Variants in GSK3B observed in about 807,000 individuals in gnomAD.
The protein encoded by GSK3B is glycogen synthase kinase-3 beta.
Under a neutral mutation model 56.4 loss-of-function variants are expected in GSK3B, and 15 were observed. That is an observed-to-expected ratio of 0.27 (90% CI 0.18 to 0.41). GSK3B has a LOEUF of 0.41. GSK3B is among the 10% of genes least tolerant of loss of function. The pLI is 1.00. For synonymous variants in GSK3B, 181 were observed against 188.9 expected, an observed-to-expected ratio of 0.96 and a Z score of 0.34; for missense variants, 300 against 513.4, an observed-to-expected ratio of 0.58 and a Z score of 4.02.
At chr3:119,942,845 C>A (rs1297119726) in intron 3 of GSK3B, among the ~76,000 whole-genome samples, 1 of 152,018 alleles carries the variant, frequency 6.6e-6, no homozygotes, top group African/African-American at 2.4e-5. Context: ...TCAAAACACT[C>A]AAATATCTCA....
intron 2 of GSK3B, among the ~76,000 whole-genome samples, chr3:119,995,162 CAAAAAAA>C (rs1365906440): frequency 1.5e-5 from 1 of 67,778 alleles, no homozygotes; most frequent in Non-Finnish European, 3.2e-5. Flanking sequence ...ACTGTCTCTA[CAAAAAAA>C]AAAAAAAAAA....
chr3:119,900,449 A>G (rs1358781885), intron 7 of GSK3B, among the ~76,000 whole-genome samples: 1 of 152,138 alleles, frequency 6.6e-6, no homozygotes, highest in Non-Finnish European at 1.5e-5. Flanking sequence ...TAGTTTTGTG[A>G]TAGTTTAATC....
intron 2 of GSK3B, among the ~76,000 whole-genome samples, chr3:119,965,516 C>T (rs1346301210): frequency 1.3e-5 from 2 of 151,848 alleles, no homozygotes; most frequent in East Asian, 3.9e-4. Context: ...CCAGCCTATG[C>T]TTTATTTTTC....
chr3:119,912,438 T>A (rs1410474840), intron 6 of GSK3B, among the ~76,000 whole-genome samples: 1 of 151,800 alleles, frequency 6.6e-6, no homozygotes, highest in Non-Finnish European at 1.5e-5. Context: ...AGTGAGCACA[T>A]GCTCTTATAA....
intron 3 of GSK3B, among the ~76,000 whole-genome samples, chr3:119,945,957 G>T (rs749023024): frequency 2.0e-5 from 3 of 151,782 alleles, no homozygotes; most frequent in Non-Finnish European, 4.4e-5. Context: ...GGAAGAGACA[G>T]GAAAAAGCAA....
At chr3:119,962,773 T>C (rs1416958888) in intron 2 of GSK3B, among the ~76,000 whole-genome samples, 1 of 152,196 alleles carries the variant, frequency 6.6e-6, no homozygotes, top group Non-Finnish European at 1.5e-5. Context: ...CATAGAAGAC[T>C]ATTTTTCCAC....
intron 2 of GSK3B, among the ~76,000 whole-genome samples, chr3:119,997,462 C>T (rs1050695987): frequency 7.2e-5 from 11 of 152,150 alleles, no homozygotes; most frequent in African/African-American, 2.7e-4. Flanking sequence ...ACGTACATAA[C>T]TATAAAGTTT....
chr3:120,004,977 C>G (rs1033775533), intron 1 of GSK3B, among the ~76,000 whole-genome samples: 4 of 152,020 alleles, frequency 2.6e-5, no homozygotes, highest in Admixed American at 6.6e-5. Flanking sequence ...ACAAACTTCT[C>G]CAAGTTAAAG....
chr3:120,012,120 C>T (rs912411863), intron 1 of GSK3B, among the ~76,000 whole-genome samples: 1 of 152,192 alleles, frequency 6.6e-6, no homozygotes, highest in Non-Finnish European at 1.5e-5. Flanking sequence ...AACATCTATT[C>T]CCAGAGACAC....
At chr3:119,948,233 T>C (rs773231221) in intron 2 of GSK3B, among the ~76,000 whole-genome samples, 4 of 152,138 alleles carry the variant, frequency 2.6e-5, no homozygotes, top group Non-Finnish European at 4.4e-5. Flanking sequence ...ACATAAAGTA[T>C]ACACCTGAGA....
chr3:120,027,830 CTCTG>C (rs2107517662), intron 1 of GSK3B, among the ~76,000 whole-genome samples: 1 of 152,040 alleles, frequency 6.6e-6, no homozygotes, highest in African/African-American at 2.4e-5. Context: ...TTTTGTATCT[CTCTG>C]TAATTTCCAA....
At chr3:119,962,269 G>A (rs1393754969) in intron 2 of GSK3B, among the ~76,000 whole-genome samples, 1 of 151,960 alleles carries the variant, frequency 6.6e-6, no homozygotes, top group South Asian at 2.1e-4. Context: ...CAGCTACTCA[G>A]GAGGCTGAGG....
intron 9 of GSK3B, among the ~76,000 whole-genome samples, chr3:119,855,598 G>C (rs1437068026): frequency 6.6e-6 from 1 of 152,178 alleles, no homozygotes; most frequent in East Asian, 1.9e-4. Flanking sequence ...ATCAATGATA[G>C]ACTGGATTAA....
In GSK3B at chr3:120,093,967, G is replaced by A; in HGVS notation, c.-533C>T. ...GGAAACGCTGCAGCTCCGGCAAGCC[G>A]CGGGATCCGGCGGGCTGACGGCAGG... On this transcript the variant is annotated 5_prime_UTR_variant, in exon 1 of 11. Coordinates refer to ENST00000264235, the MANE Select transcript of GSK3B (RefSeq NM_001146156.2). The A allele has an allele frequency of 4.7e-6, 1 of 211,054 alleles. No homozygotes were observed. The highest frequency in any genetic ancestry group is 9.7e-6 in the Non-Finnish European group (1 of 102,874). 13.1% of individuals were successfully genotyped at this position (211,054 alleles called of 1,614,324 possible).
chr3:119,876,603 C>A, intron 7 of GSK3B, 95 bp from the exon 8 acceptor site: 1 of 715,276 alleles, frequency 1.4e-6, no homozygotes, highest in Non-Finnish European at 2.5e-6. Flanking sequence ...AAAAGGAATT[C>A]CCAAGTTAAA....
chr3:119,833,912 G>T (rs2055646437), intron 10 of GSK3B, among the ~76,000 whole-genome samples: 1 of 151,860 alleles, frequency 6.6e-6, no homozygotes. Flanking sequence ...TGGCCAGGCT[G>T]GTCTCGAACT....
intron 2 of GSK3B, among the ~76,000 whole-genome samples, chr3:119,964,718 A>C (rs545900765): frequency 6.6e-6 from 1 of 152,286 alleles, no homozygotes; most frequent in South Asian, 2.1e-4. Context: ...AACTTTTGAA[A>C]ATTTGCTAAG....
intron 1 of GSK3B, among the ~76,000 whole-genome samples, chr3:120,032,472 CT>C (rs1425087543): frequency 7.2e-6 from 1 of 139,462 alleles, no homozygotes; most frequent in East Asian, 2.5e-4. Context: ...GAGACTCCGT[CT>C]CGGAAAAAAA....
chr3:119,989,481 T>TA, intron 2 of GSK3B, among the ~76,000 whole-genome samples: 1 of 151,268 alleles, frequency 6.6e-6, no homozygotes, highest in South Asian at 2.1e-4. Context: ...CATCTCTACT[T>TA]AAAAAATACA....
Sources: allele counts gnomAD v4.1 joint callset (sites outside exome capture counted in the v4.1 genomes callset), GRCh38; gene constraint gnomAD v4.1.1; transcripts MANE v1.5; gene names NCBI Gene and HGNC (gene_info 2026-07-23, HGNC 2026-07-21).